RASAL2: variants seen among roughly 807,000 people sequenced by gnomAD.
The protein encoded by RASAL2 is RAS protein activator like 2, also known as ras GTPase-activating protein nGAP.
RASAL2 carries 58 observed loss-of-function variants against 128.9 expected under a neutral mutation model. The ratio of observed to expected loss-of-function variants is 0.45; its 90% CI spans 0.36 to 0.56. The LOEUF (loss-of-function observed/expected upper bound fraction) is 0.56, where lower values mean the gene tolerates loss of function less well. RASAL2 is among the 20% of genes least tolerant of loss of function. RASAL2 has a pLI of 0.00. For synonymous variants in RASAL2, 561 were observed against 580.8 expected (o/e 0.97, Z 0.49); for missense variants, 1,360 against 1,601.6 (o/e 0.85, Z 2.57).
chr1:178,100,764 A>G (rs983060506), intron 1 of RASAL2, among the ~76,000 whole-genome samples: 3 of 152,220 alleles, frequency 2.0e-5, no homozygotes, highest in Non-Finnish European at 2.9e-5. Context: ...CTTCAGTAGC[A>G]CAAAGTGATT....
At chr1:178,258,836 G>A (rs1665512403) in intron 1 of RASAL2, among the ~76,000 whole-genome samples, 2 of 152,118 alleles carry the variant, frequency 1.3e-5, no homozygotes, top group South Asian at 4.1e-4. Context: ...ATTCATAAGT[G>A]CCAAAAGGTG....
At chr1:178,447,235 C>T (rs1186137235) in intron 9 of RASAL2, among the ~76,000 whole-genome samples, 1 of 151,776 alleles carries the variant, frequency 6.6e-6, no homozygotes, top group African/African-American at 2.4e-5. Context: ...GGTAAGAGAA[C>T]TGCTTGAGCC....
At chr1:178,379,575 A>C (rs1376692149) in intron 3 of RASAL2, among the ~76,000 whole-genome samples, 1 of 152,212 alleles carries the variant, frequency 6.6e-6, no homozygotes, top group African/African-American at 2.4e-5. Context: ...ATCAGTGATA[A>C]TTCAGTTTTT....
chr1:178,147,415 C>T (rs530875827), intron 1 of RASAL2, among the ~76,000 whole-genome samples: 93 of 143,878 alleles, frequency 6.5e-4, no homozygotes, highest in Non-Finnish European at 1.2e-3. Context: ...GCTTGAGCCC[C>T]GGAGGTGGAG....
chr1:178,225,669 C>G (rs1424959097), intron 1 of RASAL2, among the ~76,000 whole-genome samples: 1 of 151,362 alleles, frequency 6.6e-6, no homozygotes, highest in Non-Finnish European at 1.5e-5. Context: ...ATGTGTGTTT[C>G]TTTTTGTATG....
chr1:178,136,756 C>CAAAAAAA lies in RASAL2; in HGVS notation c.202+42086_202+42092dup, dbSNP rs397982072. 2.5e-3 allele frequency among the ~76,000 whole-genome samples: 119 copies of CAAAAAAA among 47,214 alleles called. 3 individuals are homozygous for CAAAAAAA. The highest frequency in any genetic ancestry group is 9.2e-3 in the African/African-American group (90 of 9,804). The allele number at this position is 47,214 out of a possible 152,430, so 31.0% of individuals were successfully genotyped here. ...TAGGTGACAAAGTGAGACTCTGTCTCAAAAAAAAAAAAAAAAAAAAAAAAA... is the reference window on the plus strand; with the variant it reads ...TAGGTGACAAAGTGAGACTCTGTCTCAAAAAAAAAAAAAAAAAAAAAAAAAAAAAAAA... On this transcript the variant is annotated intron_variant, in intron 1 of 17. Transcript: ENST00000367649.
intron 17 of RASAL2, among the ~76,000 whole-genome samples, chr1:178,468,554 C>A (rs1647965594): frequency 6.6e-6 from 1 of 152,210 alleles, no homozygotes; most frequent in Non-Finnish European, 1.5e-5. Context: ...TCATGGGCCT[C>A]ACACTCCTTT....
chr1:178,215,089 C>G (rs1331243430), intron 1 of RASAL2, among the ~76,000 whole-genome samples: 1 of 152,162 alleles, frequency 6.6e-6, no homozygotes, highest in African/African-American at 2.4e-5. Flanking sequence ...TTCAGTATTC[C>G]ATGTGTAACA....
At chr1:178,384,589 A>G (rs929843719) in intron 3 of RASAL2, among the ~76,000 whole-genome samples, 3 of 151,650 alleles carry the variant, frequency 2.0e-5, no homozygotes, top group African/African-American at 7.3e-5. Context: ...GATCGTTTGA[A>G]CATGGGAGGT....
chr1:178,179,218 A>G (rs1661993492), intron 1 of RASAL2, among the ~76,000 whole-genome samples: 2 of 152,176 alleles, frequency 1.3e-5, no homozygotes, highest in Admixed American at 1.3e-4. Context: ...GCTGATTTCA[A>G]GCTACCAGCC....
At chr1:178,322,003 A>T (rs540796121) in intron 3 of RASAL2, among the ~76,000 whole-genome samples, 149 of 149,142 alleles carry the variant, frequency 1.0e-3, no homozygotes, top group African/African-American at 2.0e-3. Context: ...AAAAAAAAAA[A>T]TTTTTTTTTG....
intron 7 of RASAL2, 77 bp downstream of exon 7, chr1:178,441,724 A>G (rs77871196): frequency 0.021 from 22,816 of 1,112,232 alleles, 328 homozygotes; most frequent in Middle Eastern, 0.03. Context: ...TGTGGTAGTA[A>G]TACCTTAATT....
chr1:178,289,035 A>G (rs1018663331), intron 2 of RASAL2, among the ~76,000 whole-genome samples: 10 of 152,014 alleles, frequency 6.6e-5, no homozygotes, highest in African/African-American at 2.4e-4. Flanking sequence ...CTCCTTTATA[A>G]CACAAATTCT....
At chr1:178,294,728 A>C (rs570086213) in intron 2 of RASAL2, among the ~76,000 whole-genome samples, 1 of 152,204 alleles carries the variant, frequency 6.6e-6, no homozygotes, top group African/African-American at 2.4e-5. Flanking sequence ...TGTCTGCTGC[A>C]TACTATTTTC....
Position 178,470,808 on chromosome 1 carries a change from G to T in RASAL2, c.3679-2267G>T. Reference sequence around the variant, plus strand: ...TGGCCTCCTACACATTCCAGCTCCTGCCACTCCCCACATGGGAATCCTTCC... The same window carrying T: ...TGGCCTCCTACACATTCCAGCTCCTTCCACTCCCCACATGGGAATCCTTCC... On this transcript the variant is annotated intron_variant, in intron 17 of 17. Transcript: ENST00000367649. The T allele has an allele frequency of 4.5e-6, 5 of 1,120,876 alleles. No individual in the cohort carries two copies. In the South Asian group the frequency reaches 6.4e-5, roughly 14 times the overall value. 69.4% of individuals were successfully genotyped at this position (1,120,876 alleles called of 1,614,324 possible). A position where few individuals can be genotyped will look rare whatever the true frequency, so the allele number is the denominator to read the frequency against.
intron 1 of RASAL2, among the ~76,000 whole-genome samples, chr1:178,239,369 A>G (rs1040685682): frequency 2.6e-5 from 4 of 152,060 alleles, no homozygotes; most frequent in African/African-American, 7.2e-5. Flanking sequence ...CTTTTTTAAA[A>G]GGAAAGTCAG....
Position 178,452,744 on chromosome 1 carries a change from A to G in RASAL2, c.2009+92A>G, listed in dbSNP as rs1222646963. On this transcript the variant is annotated intron_variant, in intron 11 of 17. Coordinates refer to ENST00000367649, the MANE Select transcript of RASAL2 (RefSeq NM_170692.4). ...ATGAGGGTTGGGAGCCTCATCACTC[A>G]TGTTACCAGATTTTCACTGTGTTAT... is the stretch of plus-strand genomic sequence containing the variant. 3.1e-6 allele frequency: 3 copies of G among 981,108 alleles called. No individual in the cohort carries two copies. The African/African-American group carries it at 4.9e-5, about 16-fold the overall frequency. The allele number at this position is 981,108 out of a possible 1,614,324, so 60.8% of individuals were successfully genotyped here. A position where few individuals can be genotyped will look rare whatever the true frequency, so the allele number is the denominator to read the frequency against.
intron 1 of RASAL2, among the ~76,000 whole-genome samples, chr1:178,212,112 T>C (rs1012338985): frequency 3.3e-5 from 5 of 152,194 alleles, no homozygotes; most frequent in African/African-American, 1.2e-4. Context: ...TCTAGGATTC[T>C]GGTAGATGTA....
chr1:178,394,398 A>AG (rs1317468212), intron 4 of RASAL2, among the ~76,000 whole-genome samples: 15 of 152,238 alleles, frequency 9.9e-5, no homozygotes, highest in Non-Finnish European at 5.9e-5. Context: ...ATTCAGAAAG[A>AG]GAAAATGATT....
Sources: gnomAD v4.1 joint callset for allele counts (sites outside exome capture counted in the v4.1 genomes callset) on GRCh38, gnomAD v4.1.1 for gene constraint, MANE v1.5 for transcripts, NCBI Gene and HGNC (gene_info 2026-07-23, HGNC 2026-07-21) for gene names.